RGS20: variants seen among roughly 807,000 people sequenced by gnomAD.
RGS20 encodes the protein gz-selective GTPase-activating protein.
A neutral mutation model predicts 33.6 loss-of-function variants in RGS20; 30 were observed. That is an observed-to-expected ratio of 0.89 (90% CI 0.67 to 1.21). The LOEUF is 1.21. RGS20 is among the 50% of genes most tolerant of loss of function. RGS20 has a pLI of 0.00. For missense variants in RGS20, 472 were observed against 502.4 expected (o/e 0.94, Z 0.58); for synonymous variants, 208 against 197.9 (o/e 1.05, Z -0.43).
At chr8:53,882,456 G>A (rs1164559419) in intron 2 of RGS20, among the ~76,000 whole-genome samples, 3 of 152,120 alleles carry the variant, frequency 2.0e-5, no homozygotes, top group African/African-American at 7.2e-5. Flanking sequence ...GGGATCCCAG[G>A]GGAGCAGCTG....
intron 5 of RGS20, among the ~76,000 whole-genome samples, chr8:53,957,778 C>T (rs1814912395): frequency 6.6e-6 from 1 of 152,210 alleles, no homozygotes; most frequent in Non-Finnish European, 1.5e-5. Flanking sequence ...CATTTGAGAA[C>T]TGCGTTGATT....
chr8:53,951,410 G>A (rs2129293607), intron 4 of RGS20, among the ~76,000 whole-genome samples: 1 of 152,104 alleles, frequency 6.6e-6, no homozygotes, highest in South Asian at 2.1e-4. Context: ...AGTCAATTGA[G>A]CCCAGGAGGT....
At position 53,879,462 on chromosome 8, in the gene RGS20, CCGGGCCGCCTCTCGCTCCTGCT is replaced by C; in HGVS notation, c.375_396del (p.Leu127ArgfsTer14). 6.3e-7 allele frequency: 1 copy of C among 1,590,848 alleles called. No individual in the cohort carries two copies. On this transcript the variant is annotated frameshift_variant, in exon 2 of 6. Coordinates refer to ENST00000297313, the MANE Select transcript of RGS20 (RefSeq NM_170587.4). LOFTEE classifies it high-confidence loss of function. ...GCTCTCGAGGGGGCACGAGGAGCTGCCGGGCCGCCTCTCGCTCCTGCTCGGGGCGGCGCTGGCACTGCCCGGC... is the reference window on the plus strand; with the variant it reads ...GCTCTCGAGGGGGCACGAGGAGCTGCCGGGGCGGCGCTGGCACTGCCCGGC...
intron 2 of RGS20, among the ~76,000 whole-genome samples, chr8:53,890,804 A>G (rs1330893696): frequency 6.6e-6 from 1 of 152,148 alleles, no homozygotes; most frequent in Non-Finnish European, 1.5e-5. Context: ...CATTTTTTAC[A>G]AATGTTTTGT....
At chr8:53,956,649 T>TA (rs1342058587) in intron 5 of RGS20, among the ~76,000 whole-genome samples, 1 of 152,188 alleles carries the variant, frequency 6.6e-6, no homozygotes, top group Non-Finnish European at 1.5e-5. Context: ...TTTGCGTCGT[T>TA]ACGTTTTGCT....
At chr8:53,946,815 C>T in intron 4 of RGS20, 67 bp downstream of exon 3, 1 of 1,347,510 alleles carries the variant, frequency 7.4e-7, no homozygotes, top group Non-Finnish European at 1.1e-6. Context: ...TTTTCTTTGC[C>T]TTGTATGTTT....
intron 2 of RGS20, among the ~76,000 whole-genome samples, chr8:53,889,799 C>T (rs1240782699): frequency 6.6e-6 from 1 of 151,870 alleles, no homozygotes; most frequent in East Asian, 1.9e-4. Context: ...CCTGCCTTTA[C>T]ACTCTCATTC....
intron 2 of RGS20, among the ~76,000 whole-genome samples, chr8:53,924,598 A>G (rs1402878136): frequency 1.3e-5 from 2 of 152,218 alleles, no homozygotes; most frequent in African/African-American, 4.8e-5. Context: ...CACTGGGATA[A>G]CAGGCATGAG....
chr8:53,882,108 G>T (rs2129274915), intron 2 of RGS20, among the ~76,000 whole-genome samples: 1 of 152,282 alleles, frequency 6.6e-6, no homozygotes, highest in East Asian at 1.9e-4. Context: ...CAGCTCGGGC[G>T]GAGGAGCCCT....
intron 1 of RGS20, among the ~76,000 whole-genome samples, chr8:53,873,000 G>C (rs903926673): frequency 6.6e-6 from 1 of 152,216 alleles, no homozygotes; most frequent in South Asian, 2.1e-4. Flanking sequence ...AGTGTTGGAG[G>C]CATGACCTGG....
At chr8:53,854,239 C>T (rs1300219528) in intron 1 of RGS20, among the ~76,000 whole-genome samples, 1 of 152,016 alleles carries the variant, frequency 6.6e-6, no homozygotes, top group Non-Finnish European at 1.5e-5. Flanking sequence ...AATAAGACTT[C>T]ATTAGAATCT....
At chr8:53,856,382 CT>C (rs1490969653) in intron 1 of RGS20, among the ~76,000 whole-genome samples, 4 of 151,742 alleles carry the variant, frequency 2.6e-5, no homozygotes, top group South Asian at 4.2e-4. Flanking sequence ...CCCCCAGCTA[CT>C]TTTTTTTGTA....
intron 3 of RGS20, chr8:53,945,183 A>G (rs1814437401): frequency 1.3e-5 from 2 of 152,254 alleles, no homozygotes; most frequent in Non-Finnish European, 2.9e-5. Context: ...TCATGCAGCC[A>G]AAATGTGGAA....
chr8:53,923,655 T>C (rs2129287044), intron 2 of RGS20, among the ~76,000 whole-genome samples: 1 of 152,256 alleles, frequency 6.6e-6, no homozygotes, highest in South Asian at 2.1e-4. Context: ...ACTAGTTATA[T>C]GATTATATTT....
intron 3 of RGS20, among the ~76,000 whole-genome samples, chr8:53,943,986 A>G (rs542538041): frequency 6.7e-6 from 1 of 149,534 alleles, no homozygotes; most frequent in African/African-American, 2.6e-5. Flanking sequence ...CCTTTAAAGA[A>G]AAATAGAGCT....
At chr8:53,956,444 A>C (rs1210833091) in intron 5 of RGS20, among the ~76,000 whole-genome samples, 2 of 152,188 alleles carry the variant, frequency 1.3e-5, no homozygotes, top group South Asian at 4.1e-4. Flanking sequence ...TGCAGAGTGA[A>C]TTTGGAGAAG....
chr8:53,926,852 A>G (rs1286728495), intron 2 of RGS20, among the ~76,000 whole-genome samples: 2 of 151,788 alleles, frequency 1.3e-5, no homozygotes, highest in Non-Finnish European at 2.9e-5. Flanking sequence ...GGCGGAGGTT[A>G]CAGTGAGCCG....
chr8:53,929,272 A>G (rs1439635960), intron 2 of RGS20, among the ~76,000 whole-genome samples: 1 of 152,172 alleles, frequency 6.6e-6, no homozygotes. Flanking sequence ...AAACTTATCA[A>G]ATTATATACC....
chr8:53,881,927 G>A lies in RGS20; in HGVS notation c.510+2325G>A, dbSNP rs150940898. ...GAGGGCGGGAGACTGGGGGCGGGAA[G>A]TGGAGGTGCAGGCTGCAGCTGGGGA... On this transcript the variant is annotated intron_variant, in intron 2 of 5. Transcript: ENST00000297313. Among the ~76,000 whole-genome samples the A allele has an allele frequency of 8.8e-3, 1,343 of 152,288 alleles. 8 individuals carry two copies. Among genetic ancestry groups the A allele is most frequent in the Non-Finnish European group, 0.014 (970 of 68,024 alleles).
Sources: allele counts gnomAD v4.1 joint callset (sites outside exome capture counted in the v4.1 genomes callset), GRCh38; gene constraint gnomAD v4.1.1; transcripts MANE v1.5; gene names NCBI Gene and HGNC (gene_info 2026-07-23, HGNC 2026-07-21).